Variants in EYS observed in about 807,000 individuals in gnomAD.
The protein encoded by EYS is EGF-like photoreceptor maintenance factor.
In EYS, 250 loss-of-function variants were observed where a neutral mutation model predicts 282.1. That is an observed-to-expected ratio of 0.89 (90% CI 0.80 to 0.98). The LOEUF is 0.98. Among genes scored for constraint, EYS ranks in the 50% least tolerant of loss-of-function variants. The pLI is 0.00. For synonymous variants in EYS, 1,355 were observed against 1,282.9 expected (o/e 1.06, Z -1.20); for missense variants, 4,016 against 3,709.0 (o/e 1.08, Z -2.15).
chr6:65,259,227 TAAAG>T (rs1767552367), intron 12 of EYS, among the ~76,000 whole-genome samples: 1 of 151,980 alleles, frequency 6.6e-6, no homozygotes, highest in Non-Finnish European at 1.5e-5. Flanking sequence ...ATAGAAGCAT[TAAAG>T]AGTCATTGCT....
At chr6:65,512,036 A>G (rs981248608) in intron 2 of EYS, among the ~76,000 whole-genome samples, 1 of 150,746 alleles carries the variant, frequency 6.6e-6, no homozygotes, top group Admixed American at 6.6e-5. Context: ...TATAACTTGT[A>G]TATGATAAAT....
At position 65,215,094 on chromosome 6, in the gene EYS, G is replaced by A. The variant is rs141864811; in HGVS notation, c.2023+80769C>T. 7.2e-5 allele frequency among the ~76,000 whole-genome samples: 11 copies of A among 152,180 alleles called. No homozygotes were observed. The East Asian group carries it at 2.1e-3, about 29-fold the overall frequency. On this transcript the variant is annotated intron_variant, in intron 12 of 42. Transcript: ENST00000503581. The stretch of plus-strand genomic sequence containing the variant: ...TCCCTGCTAACATAACATTCATTCT[G>A]CAGTCCATAGAAAAAGGAGTAATTA...
chr6:64,628,173 C>T (rs1767670189), intron 22 of EYS, among the ~76,000 whole-genome samples: 1 of 151,680 alleles, frequency 6.6e-6, no homozygotes, highest in Non-Finnish European at 1.5e-5. Context: ...GTGAAGATGA[C>T]ATCTTCAGTA....
intron 30 of EYS, among the ~76,000 whole-genome samples, chr6:64,267,139 A>C (rs1275125207): frequency 6.6e-6 from 1 of 152,174 alleles, no homozygotes; most frequent in Non-Finnish European, 1.5e-5. Context: ...TTAGTCAAGC[A>C]AACTTTTTGT....
intron 35 of EYS, among the ~76,000 whole-genome samples, chr6:63,953,124 A>G (rs114622071): frequency 0.018 from 2,777 of 152,160 alleles, 80 homozygotes; most frequent in African/African-American, 0.063. Flanking sequence ...TGTTCTTGAC[A>G]TTAAAGATGG....
intron 12 of EYS, among the ~76,000 whole-genome samples, chr6:65,265,913 GA>G (rs1767741159): frequency 2.0e-5 from 3 of 151,882 alleles, no homozygotes; most frequent in African/African-American, 7.2e-5. Flanking sequence ...AGGTTTAAAT[GA>G]AATACAGAAT....
intron 26 of EYS, among the ~76,000 whole-genome samples, chr6:64,473,400 G>T (rs1215328294): frequency 6.6e-6 from 1 of 152,072 alleles, no homozygotes; most frequent in African/African-American, 2.4e-5. Flanking sequence ...TGAATAAATA[G>T]AAATAATGGT....
intron 2 of EYS, among the ~76,000 whole-genome samples, chr6:65,513,572 C>T (rs201132225): frequency 9.3e-5 from 14 of 149,882 alleles, no homozygotes; most frequent in African/African-American, 2.0e-4. Flanking sequence ...TCCAGCAGCA[C>T]ATCAAAAAGC....
chr6:65,226,199 C>T (rs1209548364), intron 12 of EYS, among the ~76,000 whole-genome samples: 3 of 151,884 alleles, frequency 2.0e-5, no homozygotes, highest in Non-Finnish European at 4.4e-5. Flanking sequence ...ACACTAAAAT[C>T]AATTGTGTAC....
At chr6:64,560,086 C>T (rs1765349775) in intron 26 of EYS, among the ~76,000 whole-genome samples, 1 of 151,926 alleles carries the variant, frequency 6.6e-6, no homozygotes, top group Non-Finnish European at 1.5e-5. Context: ...CATCATTGTT[C>T]TTGTATTTCT....
At chr6:63,801,836 G>T (rs1290901872) in intron 37 of EYS, among the ~76,000 whole-genome samples, 2 of 152,192 alleles carry the variant, frequency 1.3e-5, no homozygotes, top group African/African-American at 4.8e-5. Context: ...ACTCAGAGAA[G>T]ACTATCATCA....
chr6:64,127,989 T>C lies in EYS; in HGVS notation c.6425-45987A>G, dbSNP rs542357872. On this transcript the variant is annotated intron_variant, in intron 31 of 42. Coordinates refer to ENST00000503581, the MANE Select transcript of EYS (RefSeq NM_001142800.2). Reference sequence around the variant, plus strand: ...GAAATTTAACAAATATATTTAATCATGAAAATTGGCATCTAACATTTTGCC... The same window carrying C: ...GAAATTTAACAAATATATTTAATCACGAAAATTGGCATCTAACATTTTGCC... Among the ~76,000 whole-genome samples the C allele has an allele frequency of 3.9e-5, 6 of 152,282 alleles. No homozygotes were observed. In the East Asian group the frequency reaches 1.2e-3, roughly 29 times the overall value.
At chr6:64,851,354 C>A (rs1765879603) in intron 19 of EYS, among the ~76,000 whole-genome samples, 1 of 152,038 alleles carries the variant, frequency 6.6e-6, no homozygotes, top group Non-Finnish European at 1.5e-5. Flanking sequence ...ATGCCTATCC[C>A]ACCATAAAAT....
At chr6:65,435,280 A>C (rs1438114400) in intron 5 of EYS, among the ~76,000 whole-genome samples, 2 of 152,008 alleles carry the variant, frequency 1.3e-5, no homozygotes, top group Non-Finnish European at 2.9e-5. Context: ...ATGATGATAA[A>C]GCCTTTATGA....
chr6:64,539,904 C>A (rs1005774306), intron 26 of EYS, among the ~76,000 whole-genome samples: 1 of 152,164 alleles, frequency 6.6e-6, no homozygotes, highest in African/African-American at 2.4e-5. Flanking sequence ...CTAAGAATGT[C>A]TTTGGCCTTG....
At chr6:64,125,424 C>A (rs1562213745) in intron 31 of EYS, among the ~76,000 whole-genome samples, 1 of 151,290 alleles carries the variant, frequency 6.6e-6, no homozygotes, top group African/African-American at 2.4e-5. Context: ...TTTAACCAGG[C>A]TTTCTTACCA....
At chr6:64,206,406 T>G (rs1332434783) in intron 31 of EYS, among the ~76,000 whole-genome samples, 1 of 152,212 alleles carries the variant, frequency 6.6e-6, no homozygotes, top group Non-Finnish European at 1.5e-5. Context: ...TTGAAACATC[T>G]TTTCTGTCAT....
At chr6:64,274,480 C>CTTTTTTTTTTT (rs1562282370) in intron 30 of EYS, among the ~76,000 whole-genome samples, 1 of 32,770 alleles carries the variant, frequency 3.1e-5, no homozygotes, top group African/African-American at 1.9e-4. Context: ...CACGCCTGGC[C>CTTTTTTTTTTT]GTTTTTTTTT....
At chr6:64,571,647 C>A (rs893074223) in intron 26 of EYS, among the ~76,000 whole-genome samples, 1 of 152,154 alleles carries the variant, frequency 6.6e-6, no homozygotes, top group Non-Finnish European at 1.5e-5. Context: ...ATGCTATAAA[C>A]GTCTCTATGC....
Sources: allele counts gnomAD v4.1 joint callset (sites outside exome capture counted in the v4.1 genomes callset), GRCh38; gene constraint gnomAD v4.1.1; transcripts MANE v1.5; gene names NCBI Gene and HGNC (gene_info 2026-07-23, HGNC 2026-07-21).